Variants in TFEC observed in about 807,000 individuals in gnomAD.
TFEC encodes the protein transcription factor EC, also known as class E basic helix-loop-helix protein 34.
TFEC carries 31 observed loss-of-function variants against 41.6 expected under a neutral mutation model. The ratio of observed to expected loss-of-function variants is 0.74; its 90% CI spans 0.56 to 1.01. The LOEUF is 1.01. Among genes scored for constraint, TFEC ranks in the 50% least tolerant of loss-of-function variants. TFEC has a pLI of 0.00. For missense variants in TFEC, 402 were observed against 404.1 expected (o/e 0.99, Z 0.04); for synonymous variants, 143 against 140.6 (o/e 1.02, Z -0.12).
intron 2 of TFEC, among the ~76,000 whole-genome samples, chr7:115,981,690 G>A (rs902723279): frequency 7.9e-5 from 12 of 152,184 alleles, no homozygotes; most frequent in East Asian, 1.9e-4. Context: ...TGATATCAGC[G>A]TTGCTATGAA....
At chr7:116,079,960 A>G (rs1797049808) in intron 3 of TFEC, among the ~76,000 whole-genome samples, 1 of 152,184 alleles carries the variant, frequency 6.6e-6, no homozygotes, top group African/African-American at 2.4e-5. Context: ...CCAAAACAGC[A>G]TGGTACTGGT....
chr7:116,091,164 G>A (rs1394480143), intron 3 of TFEC, among the ~76,000 whole-genome samples: 2 of 152,134 alleles, frequency 1.3e-5, no homozygotes, highest in African/African-American at 4.8e-5. Context: ...AGACTTAAAA[G>A]AGAATACACA....
intron 1 of TFEC, among the ~76,000 whole-genome samples, chr7:116,011,702 C>T (rs1024647815): frequency 1.3e-5 from 2 of 152,120 alleles, no homozygotes; most frequent in African/African-American, 4.8e-5. Context: ...AACATGACCT[C>T]CAGTGTTGGA....
intron 3 of TFEC, among the ~76,000 whole-genome samples, chr7:116,080,088 T>A (rs1383035980): frequency 6.6e-6 from 1 of 151,812 alleles, no homozygotes; most frequent in Non-Finnish European, 1.5e-5. Context: ...AGAAATGACA[T>A]CCTATTCAAC....
intron 3 of TFEC, among the ~76,000 whole-genome samples, chr7:116,087,085 G>T (rs1056243799): frequency 6.6e-6 from 1 of 151,920 alleles, no homozygotes; most frequent in Non-Finnish European, 1.5e-5. Flanking sequence ...ACTGTTCGGT[G>T]CATGAATTAC....
chr7:115,948,535 T>C (rs1791739714), intron 6 of TFEC, among the ~76,000 whole-genome samples: 1 of 152,204 alleles, frequency 6.6e-6, no homozygotes, highest in African/African-American at 2.4e-5. Flanking sequence ...GATGCAAGTC[T>C]GGTTCAATAT....
At chr7:116,092,849 C>A (rs1485194678) in intron 3 of TFEC, among the ~76,000 whole-genome samples, 1 of 152,084 alleles carries the variant, frequency 6.6e-6, no homozygotes, top group African/African-American at 2.4e-5. Context: ...GATCTCTAAT[C>A]CTATGTCCAG....
intron 1 of TFEC, among the ~76,000 whole-genome samples, chr7:116,153,389 G>A (rs2116476402): frequency 6.6e-6 from 1 of 152,192 alleles, no homozygotes; most frequent in East Asian, 1.9e-4. Context: ...GAGTAGCTGG[G>A]ATCTACAGGC....
intron 6 of TFEC, among the ~76,000 whole-genome samples, chr7:115,949,442 T>G (rs1410345872): frequency 1.3e-5 from 2 of 152,072 alleles, no homozygotes; most frequent in Non-Finnish European, 2.9e-5. Flanking sequence ...CTACCTTACT[T>G]CAAACTATAC....
At chr7:115,959,035 A>C (rs1354341764) in intron 3 of TFEC, among the ~76,000 whole-genome samples, 1 of 151,922 alleles carries the variant, frequency 6.6e-6, no homozygotes, top group Non-Finnish European at 1.5e-5. Context: ...TAAGTAACTT[A>C]GGTAATAAAG....
chr7:115,959,643 T>C (rs976324840), intron 3 of TFEC, among the ~76,000 whole-genome samples: 3 of 151,198 alleles, frequency 2.0e-5, no homozygotes, highest in South Asian at 4.2e-4. Context: ...ACAGTAAACA[T>C]AATGACCAAA....
chr7:116,072,619 T>A (rs1474899596), intron 3 of TFEC, among the ~76,000 whole-genome samples: 1 of 151,660 alleles, frequency 6.6e-6, no homozygotes, highest in Non-Finnish European at 1.5e-5. Flanking sequence ...AAGAACGATT[T>A]ATTACAGAAA....
intron 1 of TFEC, among the ~76,000 whole-genome samples, chr7:116,147,033 A>G (rs563523601): frequency 6.3e-4 from 96 of 152,334 alleles, no homozygotes; most frequent in Non-Finnish European, 1.3e-3. Flanking sequence ...ACTGCGAGAC[A>G]TATCTGGATA....
intron 1 of TFEC, among the ~76,000 whole-genome samples, chr7:115,987,105 C>A (rs1793893987): frequency 6.6e-6 from 1 of 152,094 alleles, no homozygotes; most frequent in South Asian, 2.1e-4. Context: ...GGGACTAACT[C>A]TAATTCTCCC....
chr7:116,137,180 A>C (rs758579724), intron 1 of TFEC, among the ~76,000 whole-genome samples: 2 of 152,046 alleles, frequency 1.3e-5, no homozygotes, highest in Admixed American at 6.6e-5. Context: ...TATTTTCTTG[A>C]TGATCTTTTC....
chr7:115,990,568 G>A (rs573757997), intron 1 of TFEC, among the ~76,000 whole-genome samples: 5 of 152,130 alleles, frequency 3.3e-5, no homozygotes, highest in Non-Finnish European at 5.9e-5. Flanking sequence ...ACCATGGCAC[G>A]AGAATTACGT....
intron 3 of TFEC, among the ~76,000 whole-genome samples, chr7:116,043,645 A>G (rs1176518654): frequency 1.3e-5 from 2 of 152,224 alleles, no homozygotes; most frequent in African/African-American, 4.8e-5. Flanking sequence ...AAACATATTA[A>G]AAGCAGTATA....
upstream of TFEC, among the ~76,000 whole-genome samples, chr7:116,034,067 C>T (rs1795851251): frequency 6.6e-6 from 1 of 152,102 alleles, no homozygotes; most frequent in African/African-American, 2.4e-5. Flanking sequence ...AATGCGTGAT[C>T]ATTCTCTTTG....
chr7:116,088,798 A>G (rs550034551), intron 3 of TFEC, among the ~76,000 whole-genome samples: 55 of 152,148 alleles, frequency 3.6e-4, no homozygotes, highest in Admixed American at 3.6e-3. Context: ...TCTAAGTTAT[A>G]TATAATATAC....
Sources: allele counts gnomAD v4.1 joint callset (sites outside exome capture counted in the v4.1 genomes callset), GRCh38; gene constraint gnomAD v4.1.1; transcripts MANE v1.5; gene names NCBI Gene and HGNC (gene_info 2026-07-23, HGNC 2026-07-21).